PRKX: variants seen among roughly 807,000 people sequenced by gnomAD.
PRKX encodes the protein protein kinase cAMP-dependent X-linked catalytic subunit, also known as cAMP-dependent protein kinase catalytic subunit PRKX.
In PRKX, 12 loss-of-function variants were observed where a neutral mutation model predicts 22.0. The ratio of observed to expected loss-of-function variants is 0.54; its 90% CI spans 0.35 to 0.88. PRKX has a LOEUF of 0.88. PRKX is among the 40% of genes least tolerant of loss of function. The pLI, the probability that PRKX is intolerant of heterozygous loss-of-function variation, is 0.01. For synonymous variants in PRKX, 134 were observed against 137.7 expected (o/e 0.97, Z 0.19); for missense variants, 217 against 308.0 (o/e 0.70, Z 2.21).
chrX:3,685,732 G>C (rs1928165517), intron 1 of PRKX, among the ~76,000 whole-genome samples: 2 of 108,482 alleles, frequency 1.8e-5, no homozygotes, highest in Non-Finnish European at 3.8e-5. Flanking sequence ...TAGGCTAAGA[G>C]GAATTTAAAA....
chrX:3,612,895 G>A (rs1454221937), intron 7 of PRKX, among the ~76,000 whole-genome samples: 2 of 110,113 alleles, frequency 1.8e-5, no homozygotes, highest in East Asian at 5.7e-4. Flanking sequence ...GCTCATGCCT[G>A]TAATCCCAGC....
At chrX:3,634,597 G>A (rs1231543714) in intron 4 of PRKX, among the ~76,000 whole-genome samples, 1 of 111,701 alleles carries the variant, frequency 9.0e-6, no homozygotes, top group African/African-American at 3.3e-5. Context: ...CAGCAGACAG[G>A]CTGCAGACAG....
rs1926188932 is a variant in PRKX, at chrX:3,607,007, G to C, written c.*1962C>G. 8.9e-6 allele frequency: 1 copy of C among 112,127 alleles called. No individual in the cohort carries two copies. The highest frequency in any genetic ancestry group is 1.9e-5 in the Non-Finnish European group (1 of 53,313). 9.2% of individuals were successfully genotyped at this position (112,127 alleles called of 1,213,427 possible). On this transcript the variant is annotated 3_prime_UTR_variant, in exon 9 of 9. Transcript: ENST00000262848. ...CAATTAAGGCATTTCAGGCTTTCCT[G>C]ATGCTAATTCTCATCTGAGTATGAA...
At chrX:3,625,117 C>T (rs1157928810) in intron 5 of PRKX, among the ~76,000 whole-genome samples, 1 of 111,440 alleles carries the variant, frequency 9.0e-6, no homozygotes, top group Non-Finnish European at 1.9e-5. Flanking sequence ...CCCTTCTAGG[C>T]GACTCATTGT....
In PRKX at chrX:3,626,487, C is replaced by T. The variant is rs186611906; in HGVS notation, c.747G>A (p.Pro249=). The change falls in exon 5 of 9, where the codon CCG becomes CCA. Residue 249 remains proline, a synonymous_variant. Transcript: ENST00000262848. ...CAAGAATTTTCTGATAAATGCCAAA[C>T]GGGTTGTCATCAAAAAACGGAGGAA... ...SGFPPFFDDN[P]FGIYQKILAG... is the part of the protein sequence containing the mutation. 22 of 1,208,571 alleles carry T rather than the reference C, an allele frequency of 1.8e-5. No homozygotes were observed. Among genetic ancestry groups the T allele is most frequent in the Admixed American group, 1.1e-4 (5 of 45,672 alleles).
intron 6 of PRKX, 91 bp from the exon 7 acceptor site, chrX:3,615,983 T>C (rs1031108093): frequency 2.4e-6 from 2 of 846,857 alleles, no homozygotes; most frequent in African/African-American, 4.0e-5. Context: ...ATTATTTTAG[T>C]ATTGAAACAA....
intron 8 of PRKX, among the ~76,000 whole-genome samples, chrX:3,610,164 TAAAATTACTAAGACGGATTA>T (rs755257255): frequency 3.1e-4 from 35 of 112,049 alleles, no homozygotes; most frequent in African/African-American, 1.0e-3. Flanking sequence ...AATTACTTGA[TAAAATTACTAAGACGGATTA>T]AAATATTGCA....
chrX:3,704,687 G>A (rs771532193), intron 1 of PRKX, among the ~76,000 whole-genome samples: 116 of 111,118 alleles, frequency 1.0e-3, no homozygotes, highest in Middle Eastern at 4.6e-3. Context: ...AGATAATGCC[G>A]TATTTGTCTC....
At chrX:3,647,220 T>C (rs1927206697) in intron 3 of PRKX, among the ~76,000 whole-genome samples, 1 of 107,868 alleles carries the variant, frequency 9.3e-6, no homozygotes, top group East Asian at 2.8e-4. Context: ...AAATATATAT[T>C]TATAAAATTA....
At position 3,607,609 on chromosome X, in the gene PRKX, C is replaced by CA. The variant is rs1270059722; in HGVS notation, c.*1359dup. ...TATTCTCACCTACTGAGTTGACCTC[C>CA]ACGTGAAGAAAAGGTCACTGATGAA... On this transcript the variant is annotated 3_prime_UTR_variant, in exon 9 of 9. Transcript: ENST00000262848. 1.8e-5 allele frequency: 2 copies of CA among 111,202 alleles called. No individual in the cohort carries two copies. Among genetic ancestry groups the CA allele is most frequent in the Non-Finnish European group, 3.8e-5 (2 of 53,210 alleles). The allele number at this position is 111,202 out of a possible 1,213,427, so 9.2% of individuals were successfully genotyped here. A position where few individuals can be genotyped will look rare whatever the true frequency, so the allele number is the denominator to read the frequency against.
chrX:3,671,217 G>A (rs1259132028), intron 2 of PRKX, among the ~76,000 whole-genome samples: 1 of 110,385 alleles, frequency 9.1e-6, no homozygotes, highest in Non-Finnish European at 1.9e-5. Context: ...TGTATTTTTA[G>A]TAGAGACAGG....
In PRKX at chrX:3,706,653, G is replaced by A. The variant is rs1386615255; in HGVS notation, c.166+6435C>T. On this transcript the variant is annotated intron_variant, in intron 1 of 8. Transcript: ENST00000262848. ...TGTCTCTTCCTGGTGGGGGGTGTCT[G>A]CTGCTTTCGAGAGTTTAACGTCTCC... is the stretch of plus-strand genomic sequence containing the variant. 1.8e-5 allele frequency among the ~76,000 whole-genome samples: 2 copies of A among 111,931 alleles called. 1 individual carries two copies. Among genetic ancestry groups the A allele is most frequent in the Non-Finnish European group, 3.8e-5 (2 of 53,234 alleles).
chrX:3,616,276 G>T (rs1416642451), intron 6 of PRKX, among the ~76,000 whole-genome samples: 3 of 111,490 alleles, frequency 2.7e-5, no homozygotes, highest in Non-Finnish European at 5.6e-5. Context: ...AGAAACTAGG[G>T]TTCAAGGAAT....
At chrX:3,631,557 C>T (rs1168907429) in intron 4 of PRKX, among the ~76,000 whole-genome samples, 12 of 112,231 alleles carry the variant, frequency 1.1e-4, no homozygotes, top group Admixed American at 1.0e-3. Context: ...GATCTGTCCA[C>T]GTCCTAATGC....
chrX:3,700,725 C>A (rs1345803266), intron 1 of PRKX, among the ~76,000 whole-genome samples: 1 of 103,676 alleles, frequency 9.6e-6, no homozygotes, highest in African/African-American at 3.7e-5. Context: ...ACTACAGGCA[C>A]GTGCCACCAC....
chrX:3,655,778 T>A lies in PRKX; in HGVS notation c.336-366A>T, dbSNP rs1341027543. 5.3e-5 allele frequency among the ~76,000 whole-genome samples: 6 copies of A among 112,484 alleles called. No homozygotes were observed. In the East Asian group the frequency reaches 1.7e-3, roughly 31 times the overall value. ...TTAGCATATAGGTATAGAAAGATGTTAATATGTAGTTATAGATAGATGTTA... is the reference window on the plus strand; with the variant it reads ...TTAGCATATAGGTATAGAAAGATGTAAATATGTAGTTATAGATAGATGTTA... On this transcript the variant is annotated intron_variant, in intron 2 of 8. Transcript: ENST00000262848.
At chrX:3,712,277 G>A (rs1284643119) in intron 1 of PRKX, among the ~76,000 whole-genome samples, 11 of 111,139 alleles carry the variant, frequency 9.9e-5, no homozygotes, top group Non-Finnish European at 3.8e-5. Flanking sequence ...TCCCTAAGTG[G>A]CACAGGCGGG....
chrX:3,640,116 G>A (rs777440280), intron 4 of PRKX, among the ~76,000 whole-genome samples: 3 of 109,759 alleles, frequency 2.7e-5, no homozygotes, highest in African/African-American at 9.9e-5. Context: ...TGGCTTTTGC[G>A]ACAATGGAGG....
intron 1 of PRKX, among the ~76,000 whole-genome samples, chrX:3,706,562 T>C (rs1928689642): frequency 8.9e-6 from 1 of 111,849 alleles, no homozygotes; most frequent in Admixed American, 9.5e-5. Flanking sequence ...CTCAGCCCAC[T>C]GCAACCTCAA....
Sources: allele counts gnomAD v4.1 joint callset (sites outside exome capture counted in the v4.1 genomes callset), GRCh38; gene constraint gnomAD v4.1.1; transcripts MANE v1.5; gene names NCBI Gene and HGNC (gene_info 2026-07-23, HGNC 2026-07-21).